TMEM243: variants seen among roughly 807,000 people sequenced by gnomAD.
TMEM243 encodes the protein transmembrane protein 243.
Under a neutral mutation model 15.0 loss-of-function variants are expected in TMEM243, and 20 were observed. The observed-to-expected ratio is 1.33, with a 90% CI of 0.94 to 1.93. TMEM243 has a LOEUF of 1.93. Ranked by LOEUF, TMEM243 falls within the 30% of genes most tolerant of loss-of-function variation. The pLI is 0.00. For missense variants in TMEM243, 156 were observed against 142.1 expected (o/e 1.10, Z -0.50); for synonymous variants, 72 against 52.7 (o/e 1.37, Z -1.59).
intron 1 of TMEM243, among the ~76,000 whole-genome samples, chr7:87,209,857 A>C (rs574672238): frequency 0.013 from 1,854 of 143,922 alleles, 29 homozygotes; most frequent in Non-Finnish European, 0.017. Flanking sequence ...AGAGCGAGAG[A>C]GAGAGAGAGC....
At chr7:87,209,613 A>T (rs911560781) in intron 1 of TMEM243, among the ~76,000 whole-genome samples, 3 of 129,130 alleles carry the variant, frequency 2.3e-5, no homozygotes, top group African/African-American at 1.1e-4. Flanking sequence ...AGAGAGAGAC[A>T]GAGAGAGAGA....
intron 1 of TMEM243, among the ~76,000 whole-genome samples, chr7:87,209,529 T>C (rs868030799): frequency 4.4e-5 from 2 of 45,478 alleles, no homozygotes; most frequent in South Asian, 8.4e-4. Flanking sequence ...AGAGAGAGAG[T>C]GAGAGAGAAA....
chr7:87,213,387 G>C (rs549929878), intron 1 of TMEM243, among the ~76,000 whole-genome samples: 67 of 152,148 alleles, frequency 4.4e-4, no homozygotes, highest in Non-Finnish European at 4.4e-4. Context: ...AATGAGAGGA[G>C]AGGAGAGAAC....
chr7:87,201,417 G>A (rs1468771607), intron 1 of TMEM243, among the ~76,000 whole-genome samples: 1 of 152,170 alleles, frequency 6.6e-6, no homozygotes, highest in Admixed American at 6.5e-5. Flanking sequence ...TAATTTATGT[G>A]CACATTTAAA....
rs374587972 is a variant in TMEM243, at chr7:87,209,949, A to G, written c.78+9477T>C. On this transcript the variant is annotated intron_variant, in intron 1 of 3. Coordinates refer to ENST00000257637, the MANE Select transcript of TMEM243 (RefSeq NM_024315.4). ...AGTGAGAGAGAAACAGGAGGGGGACAGAGAGACAGAGGAGGGGGAGGGGGG... is the reference window on the plus strand; with the variant it reads ...AGTGAGAGAGAAACAGGAGGGGGACGGAGAGACAGAGGAGGGGGAGGGGGG... Among the ~76,000 whole-genome samples, 5 of 125,682 alleles carry G rather than the reference A, an allele frequency of 4.0e-5. No individual in the cohort carries two copies. In the East Asian group the frequency reaches 1.1e-3, roughly 28 times the overall value. The allele number at this position is 125,682 out of a possible 152,430, so 82.5% of individuals were successfully genotyped here.
At chr7:87,213,306 T>G (rs1264174173) in intron 1 of TMEM243, among the ~76,000 whole-genome samples, 1 of 152,176 alleles carries the variant, frequency 6.6e-6, no homozygotes, top group Non-Finnish European at 1.5e-5. Flanking sequence ...AAAGAAAAAG[T>G]GATGGCATTT....
rs1803363165 is a variant in TMEM243, at chr7:87,219,660, C to T, written c.-157G>A. 1.5e-6 allele frequency: 1 copy of T among 648,672 alleles called. No individual in the cohort carries two copies. The highest frequency in any genetic ancestry group is 2.7e-6 in the Non-Finnish European group (1 of 368,720). 40.2% of individuals were successfully genotyped at this position (648,672 alleles called of 1,614,324 possible). A position where few individuals can be genotyped will look rare whatever the true frequency, so the allele number is the denominator to read the frequency against. On this transcript the variant is annotated 5_prime_UTR_variant, in exon 1 of 4. The change abolishes the stop of an existing upstream ORF in the 5' untranslated region. Transcript: ENST00000257637. ...CTGGCGCCAGGGATGGGTGGGGGCT[C>T]ACACGCGGGGAACGCGACTGCTCCG...
At chr7:87,197,037 T>C (rs115217387) in intron 3 of TMEM243, among the ~76,000 whole-genome samples, 1 of 152,224 alleles carries the variant, frequency 6.6e-6, no homozygotes, top group African/African-American at 2.4e-5. Context: ...CAAGAACATA[T>C]ACCTGGGCAT....
chr7:87,205,321 G>A (rs1446954594), intron 1 of TMEM243, among the ~76,000 whole-genome samples: 1 of 151,840 alleles, frequency 6.6e-6, no homozygotes, highest in Non-Finnish European at 1.5e-5. Context: ...TTCCACAGCT[G>A]ACTTAGATTT....
rs544668479 is a variant in TMEM243, at chr7:87,211,400, C to A, written c.78+8026G>T. ...GGTATTAAATGCCCAAAGGGTGCTA[C>A]TTCCTACCATTGTTTACCTGGACTG... On this transcript the variant is annotated intron_variant, in intron 1 of 3. Coordinates refer to ENST00000257637, the MANE Select transcript of TMEM243 (RefSeq NM_024315.4). Among the ~76,000 whole-genome samples the A allele has an allele frequency of 7.7e-4, 118 of 152,308 alleles. 1 individual carries two copies. The highest frequency in any genetic ancestry group is 2.7e-3 in the African/African-American group (114 of 41,562).
At chr7:87,219,816 G>A, upstream of TMEM243, 1 of 385,910 alleles carries the variant, frequency 2.6e-6, no homozygotes, top group Non-Finnish European at 4.7e-6. Context: ...CTCAGCCCTT[G>A]GCGCCGCGTG....
At chr7:87,200,604 G>C (rs1376700889) in intron 1 of TMEM243, among the ~76,000 whole-genome samples, 1 of 152,024 alleles carries the variant, frequency 6.6e-6, no homozygotes, top group Admixed American at 6.6e-5. Context: ...TTGCCTACCA[G>C]GATCAAAGTA....
chr7:87,197,926 C>T lies in TMEM243; in HGVS notation c.234+15G>A, dbSNP rs749872951. 3.9e-5 allele frequency: 63 copies of T among 1,612,718 alleles called. No homozygotes were observed. Among genetic ancestry groups the T allele is most frequent in the Non-Finnish European group, 4.9e-5 (58 of 1,179,322 alleles). On this transcript the variant is annotated intron_variant, in intron 3 of 3. Coordinates refer to ENST00000257637, the MANE Select transcript of TMEM243 (RefSeq NM_024315.4). Reference sequence around the variant, plus strand: ...AACCCTCAAGAACACTGTTTAAATTCTCAACAGTACTTACAAGTATGCAGG... The same window carrying T: ...AACCCTCAAGAACACTGTTTAAATTTTCAACAGTACTTACAAGTATGCAGG...
At position 87,197,688 on chromosome 7, in the gene TMEM243, ATTTT is replaced by A. The variant is rs71906317; in HGVS notation, c.234+249_234+252del. The A allele has an allele frequency of 5.2e-5, 51 of 981,994 alleles. No individual in the cohort carries two copies. In the East Asian group the frequency reaches 7.2e-4, roughly 14 times the overall value. 60.8% of individuals were successfully genotyped at this position (981,994 alleles called of 1,614,324 possible). A position where few individuals can be genotyped will look rare whatever the true frequency, so the allele number is the denominator to read the frequency against. On this transcript the variant is annotated intron_variant, in intron 3 of 3. Coordinates refer to ENST00000257637, the MANE Select transcript of TMEM243 (RefSeq NM_024315.4). ...TTTGGCCACCTACGTCTTTCCACTA[ATTTT>A]TTTTTTTTTTTTTTTTTTTTTTTTA... is the stretch of plus-strand genomic sequence containing the variant.
chr7:87,219,366 C>T (rs1284343814), intron 1 of TMEM243, 60 bp downstream of exon 1: 10 of 1,557,500 alleles, frequency 6.4e-6, no homozygotes, highest in African/African-American at 1.4e-5. Flanking sequence ...CCGGACTCCG[C>T]CAGAGGGCAG....
intron 1 of TMEM243, among the ~76,000 whole-genome samples, chr7:87,204,081 G>A (rs1364771551): frequency 1.3e-5 from 2 of 152,146 alleles, no homozygotes; most frequent in Admixed American, 1.3e-4. Flanking sequence ...TGATAGGCAC[G>A]TCTTACATGA....
intron 1 of TMEM243, among the ~76,000 whole-genome samples, chr7:87,216,117 A>C (rs1803099331): frequency 6.6e-6 from 1 of 151,640 alleles, no homozygotes. Flanking sequence ...TAAAAATACA[A>C]AAAAAAATTA....
intron 3 of TMEM243, chr7:87,197,693 T>C (rs1157177236): frequency 1.0e-6 from 1 of 963,262 alleles, no homozygotes; most frequent in Non-Finnish European, 1.3e-6. Context: ...CACTAATTTT[T>C]TTTTTTTTTT....
chr7:87,198,339 G>C (rs1801525502), intron 2 of TMEM243: 3 of 303,704 alleles, frequency 9.9e-6, no homozygotes, highest in African/African-American at 4.3e-5. Flanking sequence ...GATTCTGCTG[G>C]TAAAAGTTCT....
Sources: allele counts gnomAD v4.1 joint callset (sites outside exome capture counted in the v4.1 genomes callset), GRCh38; gene constraint gnomAD v4.1.1; transcripts MANE v1.5; gene names NCBI Gene and HGNC (gene_info 2026-07-23, HGNC 2026-07-21).